Variants in AGL observed in about 807,000 individuals in gnomAD.
The protein encoded by AGL is glycogen debranching enzyme.
AGL carries 128 observed loss-of-function variants against 199.3 expected under a neutral mutation model. The observed-to-expected ratio is 0.64, with a 90% CI of 0.56 to 0.74. AGL has a LOEUF of 0.74. AGL is among the 30% of genes least tolerant of loss of function. The pLI, the probability that AGL is intolerant of heterozygous loss-of-function variation, is 0.00. For synonymous variants in AGL, 584 were observed against 594.7 expected (o/e 0.98, Z 0.26); for missense variants, 1,809 against 1,820.8 (o/e 0.99, Z 0.12).
chr1:99,902,652 A>C, intron 26 of AGL, 31 bp from the exon 27 acceptor site: 1 of 1,502,748 alleles, frequency 6.7e-7, no homozygotes, highest in Non-Finnish European at 9.3e-7. Context: ...GTAATTTCTA[A>C]CAGAGGTAAC....
intron 15 of AGL, 44 bp from the exon 16 acceptor site, chr1:99,881,248 A>G (rs745751487): frequency 1.9e-6 from 3 of 1,613,854 alleles, no homozygotes; most frequent in South Asian, 2.2e-5. Flanking sequence ...AAAAAAATTC[A>G]TTGTAATTAA....
intron 25 of AGL, among the ~76,000 whole-genome samples, chr1:99,899,991 A>G (rs1416627392): frequency 1.3e-5 from 2 of 150,860 alleles, no homozygotes; most frequent in Non-Finnish European, 3.0e-5. Flanking sequence ...GTACACTGGC[A>G]CAATCTCAGC....
At chr1:99,901,954 C>T (rs1453927708) in intron 26 of AGL, among the ~76,000 whole-genome samples, 1 of 152,050 alleles carries the variant, frequency 6.6e-6, no homozygotes, top group East Asian at 1.9e-4. Flanking sequence ...AATTATTTTA[C>T]ACATAACTTT....
In AGL at chr1:99,861,785, A is replaced by G. The variant is rs745535470; in HGVS notation, c.293+72A>G. 44 of 1,525,812 alleles carry G rather than the reference A, an allele frequency of 2.9e-5. 1 individual carries two copies. Among genetic ancestry groups the G allele is most frequent in the Non-Finnish European group, 4.0e-5 (44 of 1,104,232 alleles). The allele number at this position is 1,525,812 out of a possible 1,614,324, so 94.5% of individuals were successfully genotyped here. On this transcript the variant is annotated intron_variant, in intron 3 of 33. Coordinates refer to ENST00000361915, the MANE Select transcript of AGL (RefSeq NM_000642.3). ...TAATTTGAAGTCACCTAACTTGTAA[A>G]TGTTACTGTATGAACCATGGCAGTG... is the stretch of plus-strand genomic sequence containing the variant.
Position 99,881,544 on chromosome 1 carries a change from T to C in AGL, c.2161T>C (p.Tyr721His). The C allele has an allele frequency of 6.2e-7, 1 of 1,613,970 alleles. No homozygotes were observed. Among genetic ancestry groups the C allele is most frequent in the African/African-American group, 1.3e-5 (1 of 74,998 alleles). ...AGTTGTTCTTTCTGCTTCTCAGGTG[T>C]ATGTGGATCAAGTTGATGAAGACAT... ...ELGAKGFIQV[Y>H]VDQVDEDIVA... The change falls in exon 17 of 34, where the codon TAT (tyrosine) becomes CAT (histidine). Residue 721 changes from tyrosine to histidine, a missense_variant. Physicochemically the swap from Tyr to His is moderately conservative, Grantham distance 83. Coordinates refer to ENST00000361915, the MANE Select transcript of AGL (RefSeq NM_000642.3).
chr1:99,872,017 T>C (rs183168520), intron 7 of AGL, among the ~76,000 whole-genome samples: 12 of 152,022 alleles, frequency 7.9e-5, no homozygotes, highest in East Asian at 1.9e-4. Context: ...TTTTTACACA[T>C]GCAAATAAGA....
intron 20 of AGL, among the ~76,000 whole-genome samples, chr1:99,887,522 C>T (rs1447227854): frequency 6.6e-6 from 1 of 152,080 alleles, no homozygotes; most frequent in African/African-American, 2.4e-5. Flanking sequence ...TAGTCATCCT[C>T]TGATAAGTAT....
intron 2 of AGL, among the ~76,000 whole-genome samples, chr1:99,860,393 T>C (rs964318862): frequency 2.0e-5 from 3 of 152,274 alleles, no homozygotes; most frequent in East Asian, 1.9e-4. Context: ...CCATTATTAA[T>C]TGAAAGTTAT....
At chr1:99,892,711 G>A (rs1337981568) in intron 24 of AGL, 104 bp downstream of exon 24, 8 of 1,151,444 alleles carry the variant, frequency 6.9e-6, no homozygotes, top group Non-Finnish European at 7.6e-6. Context: ...TGCTACTCAA[G>A]ATTTTATTTT....
At chr1:99,861,213 A>T (rs949368045) in intron 2 of AGL, 2 of 1,267,322 alleles carry the variant, frequency 1.6e-6, no homozygotes, top group Non-Finnish European at 2.0e-6. Context: ...ATGGGGTTGT[A>T]TAAGAATTTG....
At chr1:99,857,653 A>AG (rs924257254) in intron 2 of AGL, among the ~76,000 whole-genome samples, 1 of 151,376 alleles carries the variant, frequency 6.6e-6, no homozygotes, top group African/African-American at 2.4e-5. Context: ...CCACCAAAAA[A>AG]ATACGAAAAC....
At chr1:99,855,123 TCCAGGATG>T (rs1194179781) in intron 2 of AGL, among the ~76,000 whole-genome samples, 2 of 151,404 alleles carry the variant, frequency 1.3e-5, no homozygotes, top group Admixed American at 1.3e-4. Flanking sequence ...ATTGCTTGAA[TCCAGGATG>T]CGGAGGTTTC....
intron 5 of AGL, among the ~76,000 whole-genome samples, chr1:99,866,812 A>C (rs964822969): frequency 3.1e-5 from 2 of 63,946 alleles, no homozygotes; most frequent in African/African-American, 2.6e-4. Context: ...TTATTTATTT[A>C]TTTTATTTAT....
At chr1:99,871,418 C>G (rs1007071396) in intron 7 of AGL, among the ~76,000 whole-genome samples, 1 of 150,634 alleles carries the variant, frequency 6.6e-6, no homozygotes, top group Non-Finnish European at 1.5e-5. Context: ...GTGCCCCCCC[C>G]CCCCCAACAA....
chr1:99,861,601 A>G lies in AGL; in HGVS notation c.181A>G (p.Lys61Glu). ...PFPGETFNRE[K>E]FRSLDWENPT... ...TCCTGGAGAAACATTTAATAGAGAA[A>G]AATTCCGTTCTCTGGATTGGGAAAA... Residue 61 changes from lysine to glutamate, a missense_variant, in exon 3 of 34, where the codon AAA becomes GAA. Transcript: ENST00000361915. 6.2e-7 allele frequency: 1 copy of G among 1,613,978 alleles called. No individual in the cohort carries two copies. Among genetic ancestry groups the G allele is most frequent in the Non-Finnish European group, 8.5e-7 (1 of 1,179,914 alleles).
At chr1:99,862,470 A>G (rs781169122) in intron 4 of AGL, 47 bp downstream of exon 4, 67 of 1,594,610 alleles carry the variant, frequency 4.2e-5, no homozygotes, top group South Asian at 5.5e-5. Flanking sequence ...AATAAATGTA[A>G]TTATCCTCTG....
At chr1:99,857,542 G>C (rs1571219333) in intron 2 of AGL, among the ~76,000 whole-genome samples, 1 of 152,038 alleles carries the variant, frequency 6.6e-6, no homozygotes, top group Non-Finnish European at 1.5e-5. Flanking sequence ...GAGTGAATGA[G>C]ACTCCGTCTG....
At chr1:99,905,624 G>A (rs1654224366) in intron 27 of AGL, among the ~76,000 whole-genome samples, 1 of 152,178 alleles carries the variant, frequency 6.6e-6, no homozygotes, top group South Asian at 2.1e-4. Context: ...CACTGAGACT[G>A]GATGGCAGTG....
chr1:99,884,577 T>C lies in AGL; in HGVS notation c.2555T>C (p.Leu852Pro). The C allele has an allele frequency of 1.2e-6, 2 of 1,613,994 alleles. No individual in the cohort carries two copies. Among genetic ancestry groups the C allele is most frequent in the Non-Finnish European group, 1.7e-6 (2 of 1,179,942 alleles). ...PGSVIIFRVSLDPHAQVAVGI... is the reference protein window; with the variant it reads ...PGSVIIFRVSPDPHAQVAVGI... ...TTAATTAACATTTTCAGAGTTAGTC[T>C]TGATCCACATGCACAAGTCGCTGTT... is the stretch of plus-strand genomic sequence containing the variant. The change falls in exon 20 of 34, where the codon CTT becomes CCT. Residue 852 changes from leucine to proline, a missense_variant. Transcript: ENST00000361915.
Sources: allele counts gnomAD v4.1 joint callset (sites outside exome capture counted in the v4.1 genomes callset), GRCh38; gene constraint gnomAD v4.1.1; transcripts MANE v1.5; gene names NCBI Gene and HGNC (gene_info 2026-07-23, HGNC 2026-07-21).